The following PLXNA4 variants were observed in gnomAD, a reference collection of about 807,000 sequenced individuals.
PLXNA4 encodes the protein plexin A4.
A neutral mutation model predicts 191.8 loss-of-function variants in PLXNA4; 44 were observed. The observed-to-expected ratio is 0.23, with a 90% CI of 0.18 to 0.29. The LOEUF is 0.29. Among genes scored for constraint, PLXNA4 ranks in the 10% least tolerant of loss-of-function variants. The pLI is 1.00. For synonymous variants in PLXNA4, 1,082 were observed against 1,009.5 expected (o/e 1.07, Z -1.36); for missense variants, 1,800 against 2,488.8 (o/e 0.72, Z 5.89).
chr7:132,360,425 G>A (rs906080241), intron 3 of PLXNA4, among the ~76,000 whole-genome samples: 54 of 152,142 alleles, frequency 3.5e-4, no homozygotes, highest in Admixed American at 2.6e-3. Context: ...CCCATTGCAC[G>A]AAGACAGGAG....
intron 2 of PLXNA4, among the ~76,000 whole-genome samples, chr7:132,500,745 G>A (rs1798215413): frequency 6.6e-6 from 1 of 152,208 alleles, no homozygotes; most frequent in Non-Finnish European, 1.5e-5. Flanking sequence ...AAGGGGCTGT[G>A]TGTCTATCGT....
At position 132,228,370 on chromosome 7, in the gene PLXNA4, G is replaced by T; in HGVS notation, c.1704C>A (p.Ile568=). Residue 568 remains isoleucine (I), a synonymous_variant, in exon 6 of 32, where the codon ATC becomes ATA. Coordinates refer to ENST00000321063, the MANE Select transcript of PLXNA4 (RefSeq NM_020911.2). The part of the protein sequence containing the change: ...CVRLTVHPNN[I]SVSQYNVLLV... ...CCAGCACGTTGTACTGAGAGACGGA[G>T]ATATTGTTGGGATGGACCGTCAGCC... The T allele has an allele frequency of 6.2e-7, 1 of 1,614,110 alleles. No individual in the cohort carries two copies. The highest frequency in any genetic ancestry group is 1.1e-5 in the South Asian group (1 of 91,074).
At chr7:132,234,596 TTG>T (rs60249306) in intron 5 of PLXNA4, among the ~76,000 whole-genome samples, 6,001 of 144,052 alleles carry the variant, frequency 0.042, 403 homozygotes, top group African/African-American at 0.14. Flanking sequence ...AGCATGTGTT[TTG>T]TGTGTGTGTG....
intron 4 of PLXNA4, among the ~76,000 whole-genome samples, chr7:132,289,681 C>T (rs1408421899): frequency 6.6e-6 from 1 of 151,958 alleles, no homozygotes; most frequent in East Asian, 1.9e-4. Context: ...TACAGGTGCA[C>T]ACCACCACAC....
intron 2 of PLXNA4, among the ~76,000 whole-genome samples, chr7:132,492,908 A>G (rs1004464574): frequency 6.6e-5 from 10 of 152,210 alleles, no homozygotes; most frequent in African/African-American, 2.4e-4. Context: ...GAATGGCTGC[A>G]GGGTGTGGCC....
At chr7:132,195,140 A>G (rs1237147102) in intron 13 of PLXNA4, among the ~76,000 whole-genome samples, 3 of 152,176 alleles carry the variant, frequency 2.0e-5, no homozygotes, top group Non-Finnish European at 4.4e-5. Context: ...CATATATACA[A>G]TTACACTTAT....
chr7:132,631,370 G>T (rs1448914272), intron 2 of PLXNA4, among the ~76,000 whole-genome samples: 1 of 152,092 alleles, frequency 6.6e-6, no homozygotes, highest in Non-Finnish European at 1.5e-5. Context: ...CTCAAAACTG[G>T]GCCCAGTAGC....
intron 20 of PLXNA4, among the ~76,000 whole-genome samples, chr7:132,176,761 T>A (rs1382091260): frequency 6.6e-6 from 1 of 151,964 alleles, no homozygotes. Flanking sequence ...CCTGCGTGGG[T>A]GTGAGTGCAT....
intron 4 of PLXNA4, among the ~76,000 whole-genome samples, chr7:132,275,759 G>A (rs1204363422): frequency 6.6e-6 from 1 of 152,208 alleles, no homozygotes; most frequent in African/African-American, 2.4e-5. Flanking sequence ...CTCTACTGGA[G>A]TGATTCCAGG....
chr7:132,494,424 T>A (rs771714723), intron 2 of PLXNA4, among the ~76,000 whole-genome samples: 3 of 152,144 alleles, frequency 2.0e-5, no homozygotes, highest in Non-Finnish European at 2.9e-5. Flanking sequence ...CTTGCTAAGG[T>A]TTGAGAAGCA....
intron 3 of PLXNA4, among the ~76,000 whole-genome samples, chr7:132,414,599 C>T (rs779617022): frequency 1.3e-5 from 2 of 152,118 alleles, no homozygotes; most frequent in Non-Finnish European, 2.9e-5. Context: ...GCTTATTTCA[C>T]AAATATCAGG....
chr7:132,513,590 A>G (rs1798819910), intron 1 of PLXNA4, among the ~76,000 whole-genome samples: 1 of 152,250 alleles, frequency 6.6e-6, no homozygotes, highest in Non-Finnish European at 1.5e-5. Flanking sequence ...ATGTGCCCTA[A>G]GATGGCATTT....
At chr7:132,243,655 T>C (rs969838074) in intron 4 of PLXNA4, among the ~76,000 whole-genome samples, 1 of 151,916 alleles carries the variant, frequency 6.6e-6, no homozygotes, top group Non-Finnish European at 1.5e-5. Flanking sequence ...AACATGGAGA[T>C]AAAAATCCCT....
intron 2 of PLXNA4, among the ~76,000 whole-genome samples, chr7:132,622,744 T>C (rs1251087448): frequency 6.6e-6 from 1 of 152,208 alleles, no homozygotes; most frequent in Non-Finnish European, 1.5e-5. Flanking sequence ...AGAGTCTAGA[T>C]GCTGCAGAAT....
chr7:132,145,204 T>C lies in PLXNA4; in HGVS notation c.5140A>G (p.Lys1714Glu). ...TCATCCAGGAAGTCAAACATGTACTTGATGGCCAGGGGCAGGGCAGAGCCA... is the reference window on the plus strand; with the variant it reads ...TCATCCAGGAAGTCAAACATGTACTCGATGGCCAGGGGCAGGGCAGAGCCA... ...HRGSALPLAIKYMFDFLDEQA... is the reference protein window; with the variant it reads ...HRGSALPLAIEYMFDFLDEQA... Residue 1714 changes from lysine to glutamate, a missense_variant, in exon 29 of 32, where the codon AAG (lysine) becomes GAG (glutamate). Transcript: ENST00000321063. 1 of 1,614,176 alleles carries C rather than the reference T, an allele frequency of 6.2e-7. No individual in the cohort carries two copies. Among genetic ancestry groups the C allele is most frequent in the Non-Finnish European group, 8.5e-7 (1 of 1,180,028 alleles).
intron 31 of PLXNA4, among the ~76,000 whole-genome samples, chr7:132,131,006 C>A (rs566228927): frequency 6.6e-6 from 1 of 152,292 alleles, no homozygotes; most frequent in Non-Finnish European, 1.5e-5. Flanking sequence ...AGACATCCCA[C>A]CCTTCCTCCC....
intron 4 of PLXNA4, among the ~76,000 whole-genome samples, chr7:132,257,938 C>T (rs2116212569): frequency 6.6e-6 from 1 of 152,348 alleles, no homozygotes; most frequent in South Asian, 2.1e-4. Flanking sequence ...CCAGCAAAAT[C>T]ATTGACATGC....
At chr7:132,574,836 C>G (rs1052523582) in intron 1 of PLXNA4, among the ~76,000 whole-genome samples, 1 of 152,284 alleles carries the variant, frequency 6.6e-6, no homozygotes, top group Non-Finnish European at 1.5e-5. Flanking sequence ...CCCCTATCTT[C>G]AGGATTTACA....
chr7:132,382,221 G>A (rs1443574803), intron 3 of PLXNA4, among the ~76,000 whole-genome samples: 1 of 152,188 alleles, frequency 6.6e-6, no homozygotes, highest in Non-Finnish European at 1.5e-5. Context: ...AGAAGAGGAA[G>A]CAGGAAGAGG....
Sources: gnomAD v4.1 joint callset for allele counts (sites outside exome capture counted in the v4.1 genomes callset) on GRCh38, gnomAD v4.1.1 for gene constraint, MANE v1.5 for transcripts, NCBI Gene and HGNC (gene_info 2026-07-23, HGNC 2026-07-21) for gene names.